Variants in MYCT1 observed in about 807,000 individuals in gnomAD.
MYCT1 encodes the protein myc target protein 1.
Under a neutral mutation model 15.0 loss-of-function variants are expected in MYCT1, and 12 were observed. The ratio of observed to expected loss-of-function variants is 0.80; its 90% CI spans 0.51 to 1.29. MYCT1 has a LOEUF of 1.29. Ranked by LOEUF, MYCT1 falls within the 50% of genes most tolerant of loss-of-function variation. MYCT1 has a pLI of 0.00. For synonymous variants in MYCT1, 104 were observed against 102.7 expected, an observed-to-expected ratio of 1.01 and a Z score of -0.07; for missense variants, 287 against 279.1, an observed-to-expected ratio of 1.03 and a Z score of -0.20.
chr6:152,716,002 C>T (rs887837881), intron 1 of MYCT1, among the ~76,000 whole-genome samples: 3 of 152,094 alleles, frequency 2.0e-5, no homozygotes, highest in Admixed American at 1.3e-4. Flanking sequence ...ATTTGACTTA[C>T]ATTTTATAAT....
chr6:152,706,484 C>G (rs773230459), intron 1 of MYCT1, among the ~76,000 whole-genome samples: 1 of 152,124 alleles, frequency 6.6e-6, no homozygotes, highest in Admixed American at 6.6e-5. Context: ...CTTGCCACCA[C>G]CAGATGAGAA....
rs139777386 is a variant in MYCT1, at chr6:152,715,380, T to C, written c.197-6362T>C. ...TCAGAATATGGCTTGTGCTTTATAATTTTGATCAAAACTACTTTCAAATCT... is the reference window on the plus strand; with the variant it reads ...TCAGAATATGGCTTGTGCTTTATAACTTTGATCAAAACTACTTTCAAATCT... On this transcript the variant is annotated intron_variant, in intron 1 of 1. Transcript: ENST00000367245. 3.2e-3 allele frequency among the ~76,000 whole-genome samples: 483 copies of C among 152,282 alleles called. 2 individuals are homozygous for C. Among genetic ancestry groups the C allele is most frequent in the African/African-American group, 0.011 (459 of 41,570 alleles).
At chr6:152,707,186 T>C (rs895555195) in intron 1 of MYCT1, among the ~76,000 whole-genome samples, 4 of 152,160 alleles carry the variant, frequency 2.6e-5, no homozygotes, top group Non-Finnish European at 5.9e-5. Flanking sequence ...GTCTTTTTGA[T>C]AATAGGCATT....
rs4034690 is a variant in MYCT1 at position 152,706,847 on chromosome 6, A to ATGTG, written c.196+8773_196+8776dup. Among the ~76,000 whole-genome samples, 521 of 148,302 alleles carry ATGTG rather than the reference A, an allele frequency of 3.5e-3. 6 individuals are homozygous for ATGTG. The highest frequency in any genetic ancestry group is 9.6e-3 in the African/African-American group (387 of 40,306). On this transcript the variant is annotated intron_variant, in intron 1 of 1. Transcript: ENST00000367245. ...AACATTTCCATTATAGAAACCATAT[A>ATGTG]TGTGTGTGTGTGTGTGTGTGTGTGT...
chr6:152,718,279 G>A (rs2099724094), intron 1 of MYCT1, among the ~76,000 whole-genome samples: 1 of 152,082 alleles, frequency 6.6e-6, no homozygotes, highest in Non-Finnish European at 1.5e-5. Context: ...TTAGAGTTTG[G>A]ATATTATCCT....
At chr6:152,718,130 T>C (rs929459496) in intron 1 of MYCT1, among the ~76,000 whole-genome samples, 18 of 152,162 alleles carry the variant, frequency 1.2e-4, no homozygotes, top group Admixed American at 1.1e-3. Context: ...TCATTTTAAA[T>C]AGGTTTGTTG....
chr6:152,744,844 G>C, the MYCT1 span, among the ~76,000 whole-genome samples: 5 of 152,126 alleles, frequency 3.3e-5, no homozygotes, highest in Non-Finnish European at 5.9e-5. Flanking sequence ...GCGGGAGCTG[G>C]GGGGAGAGCC....
At chr6:152,698,972 T>C (rs1306883815) in intron 1 of MYCT1, among the ~76,000 whole-genome samples, 2 of 152,110 alleles carry the variant, frequency 1.3e-5, no homozygotes, top group African/African-American at 4.8e-5. Flanking sequence ...TTCAGGGAAA[T>C]TTTTATATTA....
chr6:152,707,884 C>T (rs1456561861), intron 1 of MYCT1, among the ~76,000 whole-genome samples: 1 of 151,920 alleles, frequency 6.6e-6, no homozygotes, highest in Non-Finnish European at 1.5e-5. Flanking sequence ...CAGTACCTTG[C>T]TGTTTTGACT....
chr6:152,739,879 T>C, the MYCT1 span, among the ~76,000 whole-genome samples: 94 of 152,244 alleles, frequency 6.2e-4, no homozygotes, highest in Non-Finnish European at 1.0e-3. Flanking sequence ...TTGGTGAAAA[T>C]TGAATCCAAT....
rs1427280914 is a variant in MYCT1, at chr6:152,724,419, T to G, written c.*2166T>G. 6.6e-6 allele frequency: 1 copy of G among 152,162 alleles called. No individual in the cohort carries two copies. Among genetic ancestry groups the G allele is most frequent in the Non-Finnish European group, 1.5e-5 (1 of 68,024 alleles). The allele number at this position is 152,162 out of a possible 1,614,324, so 9.4% of individuals were successfully genotyped here. A position where few individuals can be genotyped will look rare whatever the true frequency, so the allele number is the denominator to read the frequency against. On this transcript the variant is annotated 3_prime_UTR_variant, in exon 2 of 2. Transcript: ENST00000367245. ...ATCTGGCAGAATTGTTGCTGCACCCTTATCCCAGTTATAAGACAGTCAAAA... is the reference window on the plus strand; with the variant it reads ...ATCTGGCAGAATTGTTGCTGCACCCGTATCCCAGTTATAAGACAGTCAAAA...
At chr6:152,742,323 G>A in the MYCT1 span, among the ~76,000 whole-genome samples, 2 of 152,124 alleles carry the variant, frequency 1.3e-5, no homozygotes, top group Non-Finnish European at 2.9e-5. Flanking sequence ...TGGAGTAGGT[G>A]TTTCTGAGGG....
downstream of MYCT1, among the ~76,000 whole-genome samples, chr6:152,728,972 T>A (rs964398691): frequency 6.6e-6 from 1 of 152,200 alleles, no homozygotes; most frequent in African/African-American, 2.4e-5. Context: ...CAGTCAAATT[T>A]TGATGATTGA....
chr6:152,714,520 G>A (rs373255020), intron 1 of MYCT1, among the ~76,000 whole-genome samples: 4 of 150,136 alleles, frequency 2.7e-5, no homozygotes, highest in African/African-American at 7.3e-5. Context: ...CACATGTTTC[G>A]ATATTTCACA....
intron 1 of MYCT1, among the ~76,000 whole-genome samples, chr6:152,715,772 T>C (rs1468193298): frequency 6.6e-6 from 1 of 152,216 alleles, no homozygotes; most frequent in East Asian, 1.9e-4. Flanking sequence ...TAGGAATAGA[T>C]TACAACCAGG....
At chr6:152,717,465 G>A (rs779393576) in intron 1 of MYCT1, among the ~76,000 whole-genome samples, 1 of 152,130 alleles carries the variant, frequency 6.6e-6, no homozygotes, top group Admixed American at 6.6e-5. Flanking sequence ...GTTGTGGGAG[G>A]GACCCGGTGG....
At chr6:152,716,443 G>A (rs575707912) in intron 1 of MYCT1, among the ~76,000 whole-genome samples, 43 of 152,166 alleles carry the variant, frequency 2.8e-4, no homozygotes, top group African/African-American at 1.0e-3. Context: ...TTTAAACAAT[G>A]TTACATTCTG....
chr6:152,736,641 A>G, the MYCT1 span, among the ~76,000 whole-genome samples: 1,038 of 152,274 alleles, frequency 6.8e-3, 19 homozygotes, highest in African/African-American at 0.024. Flanking sequence ...ACTTTGCCTT[A>G]GAAAAGGTTG....
At chr6:152,707,539 T>C (rs2099722498) in intron 1 of MYCT1, among the ~76,000 whole-genome samples, 1 of 152,094 alleles carries the variant, frequency 6.6e-6, no homozygotes. Flanking sequence ...TTTGCTTTTT[T>C]CCTGTGCTGT....
Sources: allele counts gnomAD v4.1 joint callset (sites outside exome capture counted in the v4.1 genomes callset), GRCh38; gene constraint gnomAD v4.1.1; transcripts MANE v1.5; gene names NCBI Gene and HGNC (gene_info 2026-07-23, HGNC 2026-07-21).